MTSS1: variants seen among roughly 807,000 people sequenced by gnomAD.
MTSS1 encodes MTSS I-BAR domain containing 1, also known as protein MTSS 1.
MTSS1 carries 18 observed loss-of-function variants against 79.0 expected under a neutral mutation model. That is an observed-to-expected ratio of 0.23 (90% CI 0.16 to 0.34). MTSS1 has a LOEUF of 0.34. Among genes scored for constraint, MTSS1 ranks in the 10% least tolerant of loss-of-function variants. The pLI is 1.00. For synonymous variants in MTSS1, 341 were observed against 368.6 expected (o/e 0.93, Z 0.86); for missense variants, 815 against 986.2 (o/e 0.83, Z 2.33).
intron 3 of MTSS1, among the ~76,000 whole-genome samples, chr8:124,644,013 A>T (rs1818562964): frequency 1.3e-5 from 2 of 152,168 alleles, no homozygotes; most frequent in Admixed American, 6.5e-5. Context: ...AAGAGAAGCC[A>T]ACTGGAAGCA....
chr8:124,587,241 TACTC>T (rs1235214455), intron 5 of MTSS1, among the ~76,000 whole-genome samples: 1 of 152,132 alleles, frequency 6.6e-6, no homozygotes, highest in Non-Finnish European at 1.5e-5. Context: ...GCCTGACAAA[TACTC>T]AGCCAATGAA....
chr8:124,674,361 C>T (rs952697368), intron 3 of MTSS1, among the ~76,000 whole-genome samples: 4 of 152,204 alleles, frequency 2.6e-5, no homozygotes, highest in Non-Finnish European at 5.9e-5. Context: ...TATGCATAAT[C>T]TGCATCAGCG....
intron 3 of MTSS1, among the ~76,000 whole-genome samples, chr8:124,675,745 TATATG>T (rs1825168398): frequency 6.6e-6 from 1 of 152,248 alleles, no homozygotes; most frequent in African/African-American, 2.4e-5. Context: ...TAAGTGGAAT[TATATG>T]ATATGAGACC....
intron 1 of MTSS1, among the ~76,000 whole-genome samples, chr8:124,713,725 G>A (rs1831505396): frequency 6.6e-6 from 1 of 151,930 alleles, no homozygotes; most frequent in South Asian, 2.1e-4. Context: ...CGCCCTGCCT[G>A]TTTTCTTGTT....
chr8:124,696,693 A>C lies in MTSS1; in HGVS notation c.208+2833T>G, dbSNP rs144222992. Reference sequence around the variant, plus strand: ...TGACGAAACCCTGTCTCTACTAAAAATACAAAAATTAGCTGGGCGTGATGG... The same window carrying C: ...TGACGAAACCCTGTCTCTACTAAAACTACAAAAATTAGCTGGGCGTGATGG... On this transcript the variant is annotated intron_variant, in intron 3 of 13. Coordinates refer to ENST00000518547, the MANE Select transcript of MTSS1 (RefSeq NM_014751.6). Among the ~76,000 whole-genome samples the C allele has an allele frequency of 2.5e-3, 372 of 149,634 alleles. 4 individuals carry two copies. The highest frequency in any genetic ancestry group is 9.0e-3 in the African/African-American group (353 of 39,186).
chr8:124,560,207 T>C (rs752485928), intron 10 of MTSS1, among the ~76,000 whole-genome samples: 5 of 152,078 alleles, frequency 3.3e-5, no homozygotes, highest in Non-Finnish European at 5.9e-5. Context: ...CTTAAAAAAT[T>C]TGAGGTTTAG....
At chr8:124,700,548 T>C (rs1829561155) in intron 2 of MTSS1, among the ~76,000 whole-genome samples, 1 of 152,194 alleles carries the variant, frequency 6.6e-6, no homozygotes, top group African/African-American at 2.4e-5. Flanking sequence ...GTTTCAACCT[T>C]AGGACACTAT....
chr8:124,692,211 G>A (rs1422373718), intron 3 of MTSS1, among the ~76,000 whole-genome samples: 1 of 151,760 alleles, frequency 6.6e-6, no homozygotes, highest in African/African-American at 2.4e-5. Context: ...TGTATTTTTA[G>A]TAGAGCCAGG....
intron 3 of MTSS1, among the ~76,000 whole-genome samples, chr8:124,676,068 A>C (rs1257091100): frequency 6.6e-6 from 1 of 152,192 alleles, no homozygotes; most frequent in East Asian, 1.9e-4. Flanking sequence ...TTAAGCCATC[A>C]CTTTCTAATC....
At chr8:124,564,395 T>G (rs1825927571) in intron 9 of MTSS1, among the ~76,000 whole-genome samples, 1 of 152,120 alleles carries the variant, frequency 6.6e-6, no homozygotes, top group Non-Finnish European at 1.5e-5. Flanking sequence ...ACACTAGAAT[T>G]ACTTGGTGCA....
chr8:124,695,342 A>T (rs1408269812), intron 3 of MTSS1, among the ~76,000 whole-genome samples: 1 of 152,058 alleles, frequency 6.6e-6, no homozygotes, highest in Non-Finnish European at 1.5e-5. Context: ...GGATAAAAAA[A>T]AAAAAATACA....
Position 124,556,419 on chromosome 8 carries a change from G to C in MTSS1, c.1231-14C>G, listed in dbSNP as rs1443663215. On this transcript the variant is annotated splice_polypyrimidine_tract_variant and intron_variant, in intron 11 of 13. Coordinates refer to ENST00000518547, the MANE Select transcript of MTSS1 (RefSeq NM_014751.6). ...CTTAGCCCAGTCCTATGCAAAACAA[G>C]TGCGGTCAGGAGCCAGGGCCTCTGC... 1.3e-5 allele frequency: 20 copies of C among 1,597,050 alleles called. No individual in the cohort carries two copies. The highest frequency in any genetic ancestry group is 1.7e-5 in the Non-Finnish European group (20 of 1,170,746).
chr8:124,672,965 T>C (rs1824562728), intron 3 of MTSS1, among the ~76,000 whole-genome samples: 1 of 152,030 alleles, frequency 6.6e-6, no homozygotes, highest in Non-Finnish European at 1.5e-5. Flanking sequence ...ACCTCTCATT[T>C]ATTGTCCAGG....
At chr8:124,574,986 T>C (rs554098962) in intron 6 of MTSS1, among the ~76,000 whole-genome samples, 1 of 152,272 alleles carries the variant, frequency 6.6e-6, no homozygotes, top group East Asian at 1.9e-4. Context: ...TTTTTTTCCT[T>C]TCTTAGTGGT....
intron 3 of MTSS1, among the ~76,000 whole-genome samples, chr8:124,638,977 T>A (rs548902261): frequency 6.6e-6 from 1 of 152,320 alleles, no homozygotes; most frequent in South Asian, 2.1e-4. Flanking sequence ...TTACTACACA[T>A]TGTCACAACA....
intron 3 of MTSS1, among the ~76,000 whole-genome samples, chr8:124,655,176 GC>G (rs1820716379): frequency 6.6e-6 from 1 of 152,218 alleles, no homozygotes; most frequent in Non-Finnish European, 1.5e-5. Flanking sequence ...CGGGGCTCAG[GC>G]CCACGCTTGG....
intron 2 of MTSS1, among the ~76,000 whole-genome samples, chr8:124,700,569 T>C (rs867724316): frequency 3.9e-5 from 6 of 152,214 alleles, no homozygotes; most frequent in African/African-American, 1.4e-4. Flanking sequence ...TTCAACTGAA[T>C]CTTCCAAATT....
At chr8:124,615,240 G>C (rs1010705867) in intron 3 of MTSS1, among the ~76,000 whole-genome samples, 1 of 151,994 alleles carries the variant, frequency 6.6e-6, no homozygotes, top group Non-Finnish European at 1.5e-5. Context: ...AAGCCATGCT[G>C]GGGGGTAGGC....
In MTSS1 at chr8:124,728,204, A is replaced by C; in HGVS notation, c.-249T>G. On this transcript the variant is annotated 5_prime_UTR_variant, in exon 1 of 14. Coordinates refer to ENST00000518547, the MANE Select transcript of MTSS1 (RefSeq NM_014751.6). This position sits in a 1 kb window ranked among gnomAD's most constrained non-coding sequence, Gnocchi z 6.1. ...AGCAGCGCTCGGCTCCTGGCCTTAAAAATGCCGGGAGAAGACTGACAATCA... is the reference window on the plus strand; with the variant it reads ...AGCAGCGCTCGGCTCCTGGCCTTAACAATGCCGGGAGAAGACTGACAATCA... 1 of 354,874 alleles carries C rather than the reference A, an allele frequency of 2.8e-6. No homozygotes were observed. Among genetic ancestry groups the C allele is most frequent in the African/African-American group, 2.1e-5 (1 of 46,848 alleles). The allele number at this position is 354,874 out of a possible 1,614,324, so 22.0% of individuals were successfully genotyped here.
Sources: gnomAD v4.1 joint callset for allele counts (sites outside exome capture counted in the v4.1 genomes callset) on GRCh38, gnomAD v4.1.1 for gene constraint, Gnocchi (gnomAD v3.1) non-coding constraint, MANE v1.5 for transcripts, NCBI Gene and HGNC (gene_info 2026-07-23, HGNC 2026-07-21) for gene names.